FAM163B: variants seen among roughly 807,000 people sequenced by gnomAD.
FAM163B encodes family with sequence similarity 163 member B.
In FAM163B, 4 loss-of-function variants were observed where a neutral mutation model predicts 7.6. That is an observed-to-expected ratio of 0.52 (90% CI 0.26 to 1.20). FAM163B has a LOEUF of 1.20. FAM163B is among the 50% of genes most tolerant of loss of function. FAM163B has a pLI of 0.14. For synonymous variants in FAM163B, 120 were observed against 111.6 expected (o/e 1.07, Z -0.47); for missense variants, 250 against 243.0 (o/e 1.03, Z -0.19).
At chr9:133,592,116 A>G (rs1831561434) in intron 1 of FAM163B, among the ~76,000 whole-genome samples, 2 of 152,246 alleles carry the variant, frequency 1.3e-5, no homozygotes, top group Non-Finnish European at 1.5e-5. Context: ...CCTCGTGTCC[A>G]GCTCCACGAG....
intron 1 of FAM163B, among the ~76,000 whole-genome samples, chr9:133,597,310 T>C (rs2131253416): frequency 6.6e-6 from 1 of 152,196 alleles, no homozygotes; most frequent in Non-Finnish European, 1.5e-5. Context: ...CAACCGAACT[T>C]CTAGAGATGA....
At chr9:133,605,944 A>G (rs1466577145) in intron 1 of FAM163B, among the ~76,000 whole-genome samples, 4 of 151,984 alleles carry the variant, frequency 2.6e-5, no homozygotes, top group Non-Finnish European at 5.9e-5. Context: ...GTCATTCCCC[A>G]TGGTGCAGCC....
intron 1 of FAM163B, among the ~76,000 whole-genome samples, chr9:133,587,410 C>A (rs1030741192): frequency 3.3e-5 from 5 of 152,194 alleles, no homozygotes; most frequent in East Asian, 1.9e-4. Context: ...ATTGTCCCCC[C>A]CTGGCCTGGT....
At chr9:133,598,843 T>G (rs748757841) in intron 1 of FAM163B, among the ~76,000 whole-genome samples, 5 of 152,120 alleles carry the variant, frequency 3.3e-5, no homozygotes, top group Non-Finnish European at 5.9e-5. Context: ...AATGAACACC[T>G]GAGCTGCTGG....
At chr9:133,590,102 CT>C (rs1831522463) in intron 1 of FAM163B, among the ~76,000 whole-genome samples, 3 of 25,558 alleles carry the variant, frequency 1.2e-4, no homozygotes, top group Non-Finnish European at 1.9e-4. Context: ...TCCCCTTCCC[CT>C]TCCCTTCCCC....
At position 133,601,386 on chromosome 9, in the gene FAM163B, C is replaced by T. The variant is rs988269813; in HGVS notation, c.-24+7691G>A. 8.5e-5 allele frequency among the ~76,000 whole-genome samples: 13 copies of T among 152,152 alleles called. No individual in the cohort carries two copies. Among genetic ancestry groups the T allele is most frequent in the Non-Finnish European group, 1.3e-4 (9 of 68,022 alleles). ...TAGATTGGGCTCAGCCATTTTTAAA[C>T]GAGTGGAGGTGTGCTGTTGAAAGGG... is the stretch of plus-strand genomic sequence containing the variant. On this transcript the variant is annotated intron_variant, in intron 1 of 2. Coordinates refer to ENST00000673969, the MANE Select transcript of FAM163B (RefSeq NM_001080515.3). The surrounding 1 kb of genome is among the most constrained non-coding windows in gnomAD (Gnocchi z 4.1).
intron 1 of FAM163B, among the ~76,000 whole-genome samples, chr9:133,599,964 CAT>C (rs1394274666): frequency 7.2e-5 from 7 of 96,842 alleles, no homozygotes; most frequent in Admixed American, 1.1e-4. Context: ...TGCGTGTGTG[CAT>C]GTGTGTGTGT....
rs111689850 is a variant in FAM163B at position 133,577,482 on chromosome 9, G to A, written c.*1540C>T. Among the ~76,000 whole-genome samples, 5 of 152,220 alleles carry A rather than the reference G, an allele frequency of 3.3e-5. No individual in the cohort carries two copies. Among genetic ancestry groups the A allele is most frequent in the East Asian group, 1.9e-4 (1 of 5,190 alleles). On this transcript the variant is annotated 3_prime_UTR_variant, in exon 3 of 3. Coordinates refer to ENST00000673969, the MANE Select transcript of FAM163B (RefSeq NM_001080515.3). ...CATAACGATTGTGACTTCGTCAGCC[G>A]TTCCCCCGACGCCTCTGGAAACTGG...
At chr9:133,607,931 C>T (rs113864525) in intron 1 of FAM163B, among the ~76,000 whole-genome samples, 2 of 152,148 alleles carry the variant, frequency 1.3e-5, no homozygotes, top group Non-Finnish European at 2.9e-5. Flanking sequence ...CTCACCTGCT[C>T]AGGTGGGTAG....
At chr9:133,588,782 C>T (rs922267394) in intron 1 of FAM163B, among the ~76,000 whole-genome samples, 9 of 116,168 alleles carry the variant, frequency 7.7e-5, no homozygotes, top group East Asian at 2.6e-4. Context: ...CCAGGGTCAC[C>T]GGGCACATCT....
chr9:133,602,361 T>C (rs948507224), intron 1 of FAM163B, among the ~76,000 whole-genome samples: 7 of 152,286 alleles, frequency 4.6e-5, no homozygotes, highest in African/African-American at 1.7e-4. Context: ...CCGGGTGGGA[T>C]TGAGCTGTGG....
At position 133,594,736 on chromosome 9, in the gene FAM163B, G is replaced by A. The variant is rs138457142; in HGVS notation, c.-24+14341C>T. ...TTTCGGGAGTGCAGAGAGGAAGAAT[G>A]GGGAGTGTTAACAGGGGTGGCAGCC... is the stretch of plus-strand genomic sequence containing the variant. On this transcript the variant is annotated intron_variant, in intron 1 of 2. Transcript: ENST00000673969. Among the ~76,000 whole-genome samples, 596 of 152,240 alleles carry A rather than the reference G, an allele frequency of 3.9e-3. 1 individual carries two copies. The highest frequency in any genetic ancestry group is 6.8e-3 in the Non-Finnish European group (462 of 68,022).
chr9:133,587,965 G>A (rs1226878418), intron 1 of FAM163B, among the ~76,000 whole-genome samples: 7 of 130,228 alleles, frequency 5.4e-5, no homozygotes, highest in South Asian at 2.5e-4. Flanking sequence ...ACGGGGGCGC[G>A]AACGGGGGGC....
chr9:133,579,570 T>A, intron 2 of FAM163B, 141 bp from the exon 3 acceptor site: 1 of 1,068,780 alleles, frequency 9.4e-7, no homozygotes, highest in Non-Finnish European at 1.3e-6. Flanking sequence ...ACACCTCAGC[T>A]GTTTAACCAG....
At chr9:133,599,927 T>C (rs986663031) in intron 1 of FAM163B, among the ~76,000 whole-genome samples, 1 of 149,556 alleles carries the variant, frequency 6.7e-6, no homozygotes, top group Non-Finnish European at 1.5e-5. Context: ...TGCATGTGTG[T>C]GAGTGTGGTC....
In FAM163B at chr9:133,579,379, G is replaced by A. The variant is rs1831317243; in HGVS notation, c.144C>T (p.Asp48=). 6.2e-7 allele frequency: 1 copy of A among 1,611,530 alleles called. No homozygotes were observed. Among genetic ancestry groups the A allele is most frequent in the Non-Finnish European group, 8.5e-7 (1 of 1,179,368 alleles). ...GGGGCAGGTGCGAGTGAACGGCGAA[G>A]TCTGGTTCCTCCTCGTCCTCCTCCG... ...DESEEDEEEP[D]FAVHSHLPPL... Residue 48 remains aspartate, a synonymous_variant, in exon 3 of 3, where the codon GAC becomes GAT. Transcript: ENST00000673969.
rs1831332629 is a variant in FAM163B, at chr9:133,580,067, T to A, written c.93+64A>T. 6 of 1,429,674 alleles carry A rather than the reference T, an allele frequency of 4.2e-6. No homozygotes were observed. The African/African-American group carries it at 5.6e-5, about 13-fold the overall frequency. 88.6% of individuals were successfully genotyped at this position (1,429,674 alleles called of 1,614,324 possible). A position where few individuals can be genotyped will look rare whatever the true frequency, so the allele number is the denominator to read the frequency against. On this transcript the variant is annotated intron_variant, in intron 2 of 2. Transcript: ENST00000673969. Reference sequence around the variant, plus strand: ...CTTGTGACCTTCAGGCGGGGCTCCCTCCCGAGGTAGGGGCACCCTCTGGGC... The same window carrying A: ...CTTGTGACCTTCAGGCGGGGCTCCCACCCGAGGTAGGGGCACCCTCTGGGC...
chr9:133,607,631 G>A (rs1256468947), intron 1 of FAM163B, among the ~76,000 whole-genome samples: 1 of 152,182 alleles, frequency 6.6e-6, no homozygotes, highest in Non-Finnish European at 1.5e-5. Flanking sequence ...CTTTCCGGCT[G>A]AGTCTAGACA....
rs543980431 is a variant in FAM163B at position 133,598,494 on chromosome 9, C to A, written c.-24+10583G>T. Among the ~76,000 whole-genome samples the A allele has an allele frequency of 4.6e-5, 7 of 151,508 alleles. No individual in the cohort carries two copies. The East Asian group carries it at 1.2e-3, about 25-fold the overall frequency. The stretch of plus-strand genomic sequence containing the variant: ...TTACAGGCAGTTTCCATGGCTACAG[C>A]TGTGTGCTGCGTGTGCTGGGGTGAG... On this transcript the variant is annotated intron_variant, in intron 1 of 2. Coordinates refer to ENST00000673969, the MANE Select transcript of FAM163B (RefSeq NM_001080515.3).
Sources: gnomAD v4.1 joint callset for allele counts (sites outside exome capture counted in the v4.1 genomes callset) on GRCh38, gnomAD v4.1.1 for gene constraint, Gnocchi (gnomAD v3.1) non-coding constraint, MANE v1.5 for transcripts, NCBI Gene and HGNC (gene_info 2026-07-23, HGNC 2026-07-21) for gene names.